RBBP8: variants seen among roughly 807,000 people sequenced by gnomAD.
RBBP8 encodes RB binding protein 8, endonuclease.
A neutral mutation model predicts 108.3 loss-of-function variants in RBBP8; 88 were observed. The ratio of observed to expected loss-of-function variants is 0.81; its 90% CI spans 0.68 to 0.97. The LOEUF (loss-of-function observed/expected upper bound fraction) is 0.97, where lower values mean the gene tolerates loss of function less well. Among genes scored for constraint, RBBP8 ranks in the 50% least tolerant of loss-of-function variants. RBBP8 has a pLI of 0.00. For synonymous variants in RBBP8, 332 were observed against 348.2 expected, an observed-to-expected ratio of 0.95 and a Z score of 0.52; for missense variants, 1,023 against 1,049.0, an observed-to-expected ratio of 0.98 and a Z score of 0.34.
At chr18:22,994,904 T>C (rs2045827179) in intron 12 of RBBP8, among the ~76,000 whole-genome samples, 2 of 151,866 alleles carry the variant, frequency 1.3e-5, no homozygotes, top group African/African-American at 4.8e-5. Context: ...TTTTTTATTT[T>C]TTGAAGTGAC....
chr18:22,981,366 CCTT>C (rs1914919461), intron 6 of RBBP8, among the ~76,000 whole-genome samples: 2 of 151,850 alleles, frequency 1.3e-5, no homozygotes, highest in South Asian at 2.1e-4. Context: ...AATTTTGAAG[CCTT>C]CTTGTAGACT....
chr18:23,023,642 G>A (rs1345774656), intron 18 of RBBP8, among the ~76,000 whole-genome samples: 1 of 152,090 alleles, frequency 6.6e-6, no homozygotes, highest in African/African-American at 2.4e-5. Flanking sequence ...CTCAAGCTAG[G>A]ACTATCAATC....
chr18:22,961,161 A>C lies in RBBP8; in HGVS notation c.249-7645A>C, dbSNP rs557108438. On this transcript the variant is annotated intron_variant, in intron 4 of 18. Coordinates refer to ENST00000327155, the MANE Select transcript of RBBP8 (RefSeq NM_002894.3). ...TGTGACCAGTAATCAGCAAGAAATAAGGAAAAGCGAATGACAAAAAAGAAA... is the reference window on the plus strand; with the variant it reads ...TGTGACCAGTAATCAGCAAGAAATACGGAAAAGCGAATGACAAAAAAGAAA... 3.3e-5 allele frequency among the ~76,000 whole-genome samples: 5 copies of C among 152,352 alleles called. No homozygotes were observed. In the South Asian group the frequency reaches 8.3e-4, roughly 25 times the overall value.
At chr18:22,957,240 C>A (rs578222871) in intron 4 of RBBP8, among the ~76,000 whole-genome samples, 1 of 141,432 alleles carries the variant, frequency 7.1e-6, no homozygotes, top group Admixed American at 7.2e-5. Flanking sequence ...TCATAGTACT[C>A]TGTATTTCTG....
intron 12 of RBBP8, among the ~76,000 whole-genome samples, chr18:22,995,738 TTTC>T (rs1337709827): frequency 3.0e-4 from 45 of 152,324 alleles, no homozygotes; most frequent in African/African-American, 1.1e-3. Flanking sequence ...CAATATTTTA[TTTC>T]TTTTTATTGG....
At chr18:22,971,862 G>A (rs1432020808) in intron 5 of RBBP8, among the ~76,000 whole-genome samples, 1 of 150,896 alleles carries the variant, frequency 6.6e-6, no homozygotes, top group African/African-American at 2.4e-5. Flanking sequence ...GGCCAGGCTG[G>A]TCTTGAACTC....
chr18:23,017,621 T>G (rs2144825199), intron 17 of RBBP8, among the ~76,000 whole-genome samples: 1 of 147,906 alleles, frequency 6.8e-6, no homozygotes, highest in Non-Finnish European at 1.5e-5. Context: ...ACCACTGCAC[T>G]CCAGCCTGGG....
chr18:22,930,931 C>T (rs1211366350), upstream of RBBP8, among the ~76,000 whole-genome samples: 1 of 151,952 alleles, frequency 6.6e-6, no homozygotes, highest in Non-Finnish European at 1.5e-5. Flanking sequence ...ACCACTGTGT[C>T]CAGCTATTTT....
chr18:22,951,421 A>G (rs1912024643), intron 4 of RBBP8, among the ~76,000 whole-genome samples: 2 of 152,248 alleles, frequency 1.3e-5, no homozygotes, highest in Non-Finnish European at 2.9e-5. Context: ...GCTATGAAGA[A>G]AATAAAATCG....
At chr18:22,964,778 G>A (rs1913430192) in intron 4 of RBBP8, among the ~76,000 whole-genome samples, 1 of 151,758 alleles carries the variant, frequency 6.6e-6, no homozygotes, top group South Asian at 2.1e-4. Context: ...TACAGGCATG[G>A]GCTGCCACAC....
At chr18:22,943,150 CATT>C (rs1438413166) in intron 2 of RBBP8, among the ~76,000 whole-genome samples, 1 of 151,794 alleles carries the variant, frequency 6.6e-6, no homozygotes, top group Non-Finnish European at 1.5e-5. Flanking sequence ...TTGTCCCACT[CATT>C]ATTAAGAATG....
intron 6 of RBBP8, among the ~76,000 whole-genome samples, chr18:22,979,448 A>T (rs1004496925): frequency 1.3e-5 from 2 of 152,130 alleles, no homozygotes; most frequent in African/African-American, 4.8e-5. Context: ...TTAAAGTGTA[A>T]ATCTTTTTTG....
At chr18:23,016,238 ATT>A (rs112885172) in intron 16 of RBBP8, among the ~76,000 whole-genome samples, 3 of 149,566 alleles carry the variant, frequency 2.0e-5, no homozygotes, top group Non-Finnish European at 3.0e-5. Context: ...TAATTTTAGG[ATT>A]TTTTTTTTAT....
chr18:23,019,619 T>C (rs895389326), intron 17 of RBBP8, among the ~76,000 whole-genome samples: 6 of 152,206 alleles, frequency 3.9e-5, no homozygotes, highest in African/African-American at 1.4e-4. Context: ...TGAGATCTTA[T>C]AGTTATTCAC....
chr18:22,958,978 T>TTTAAC (rs1912834726), intron 4 of RBBP8, among the ~76,000 whole-genome samples: 1 of 152,240 alleles, frequency 6.6e-6, no homozygotes, highest in East Asian at 1.9e-4. Context: ...ATTCAGTTAT[T>TTTAAC]TCATTTCTCT....
At chr18:23,001,564 A>G in intron 14 of RBBP8, 22 bp from the exon 15 acceptor site, 4 of 1,614,010 alleles carry the variant, frequency 2.5e-6, no homozygotes, top group Non-Finnish European at 3.4e-6. Context: ...TTATTGCCCT[A>G]AGCCAGTGCT....
intron 2 of RBBP8, among the ~76,000 whole-genome samples, chr18:22,944,230 C>A (rs750531512): frequency 6.6e-6 from 1 of 152,174 alleles, no homozygotes; most frequent in Non-Finnish European, 1.5e-5. Context: ...TCAGGGTGAT[C>A]TACGTGACAG....
At chr18:22,950,921 T>G (rs748490134) in intron 4 of RBBP8, among the ~76,000 whole-genome samples, 3 of 152,220 alleles carry the variant, frequency 2.0e-5, no homozygotes, top group Non-Finnish European at 4.4e-5. Context: ...AATTTTTTTC[T>G]TGATATTTTT....
rs554611405 is a variant in RBBP8 at position 22,914,812 on chromosome 18, G to A, written c.-306+506G>A. ...TTGAGGAGTGTGAAAAACAAAGACC[G>A]TGGAATCTGGTAACTGATTAACTAT... On this transcript the variant is annotated intron_variant, in intron 1 of 4. Transcript: ENST00000577588. 3.3e-5 allele frequency among the ~76,000 whole-genome samples: 5 copies of A among 152,228 alleles called. No homozygotes were observed. In the South Asian group the frequency reaches 6.2e-4, roughly 19 times the overall value.
Sources: gnomAD v4.1 joint callset for allele counts (sites outside exome capture counted in the v4.1 genomes callset) on GRCh38, gnomAD v4.1.1 for gene constraint, MANE v1.5 for transcripts, NCBI Gene and HGNC (gene_info 2026-07-23, HGNC 2026-07-21) for gene names.